Variants in KIF17 observed in about 807,000 individuals in gnomAD.
The protein encoded by KIF17 is kinesin-like protein KIF17.
KIF17 carries 80 observed loss-of-function variants against 96.8 expected under a neutral mutation model. The ratio of observed to expected loss-of-function variants is 0.83; its 90% CI spans 0.69 to 1.00. The LOEUF is 1.00. KIF17 is among the 50% of genes least tolerant of loss of function. The pLI is 0.00. For missense variants in KIF17, 1,280 were observed against 1,372.9 expected, an observed-to-expected ratio of 0.93 and a Z score of 1.07; for synonymous variants, 567 against 587.5, an observed-to-expected ratio of 0.97 and a Z score of 0.51.
chr1:20,684,824 T>C lies in KIF17; in HGVS notation c.2216A>G (p.Gln739Arg). 1.3e-6 allele frequency: 2 copies of C among 1,583,784 alleles called. No homozygotes were observed. Among genetic ancestry groups the C allele is most frequent in the East Asian group, 2.3e-5 (1 of 42,870 alleles). Residue 739 changes from glutamine to arginine, a missense_variant, in exon 10 of 15, where the codon CAG becomes CGG. Coordinates refer to ENST00000400463, the MANE Select transcript of KIF17 (RefSeq NM_001122819.3). ...TDDPLPVVDQQQVLARLQLLE... is the reference protein window; with the variant it reads ...TDDPLPVVDQRQVLARLQLLE... ...TGCTGCTTACCGGGCCAGCACCTGC[T>C]GCTGGTCCACAACGGGCAGCGGGTC...
rs1292266786 is a variant in KIF17 at position 20,666,337 on chromosome 1, G to C, written c.2791-6C>G. ...AGCCTGTAGCGGTCGTCCTCCTGCC[G>C]AGATGCAGATGCCCGTGGTCACGTC... is the stretch of plus-strand genomic sequence containing the variant. On this transcript the variant is annotated splice_region_variant and splice_polypyrimidine_tract_variant and intron_variant, in intron 13 of 14. Coordinates refer to ENST00000400463, the MANE Select transcript of KIF17 (RefSeq NM_001122819.3). 1.2e-6 allele frequency: 2 copies of C among 1,604,736 alleles called. No individual in the cohort carries two copies. Among genetic ancestry groups the C allele is most frequent in the Non-Finnish European group, 1.7e-6 (2 of 1,171,358 alleles).
chr1:20,715,121 G>T (rs989397875), intron 2 of KIF17, among the ~76,000 whole-genome samples: 2 of 152,194 alleles, frequency 1.3e-5, no homozygotes, highest in African/African-American at 4.8e-5. Flanking sequence ...TACCTCCTGG[G>T]TCAGGCTGGA....
At chr1:20,673,192 C>A (rs951323714) in intron 11 of KIF17, among the ~76,000 whole-genome samples, 1 of 151,632 alleles carries the variant, frequency 6.6e-6, no homozygotes, top group Non-Finnish European at 1.5e-5. Context: ...CCAGCCTGGG[C>A]GACAGAGTGA....
chr1:20,691,658 G>A (rs1353551254), intron 6 of KIF17, among the ~76,000 whole-genome samples: 8 of 144,934 alleles, frequency 5.5e-5, no homozygotes, highest in African/African-American at 1.6e-4. Flanking sequence ...TAGTAGAGAC[G>A]GAGTTTCACC....
In KIF17 at chr1:20,703,541, T is replaced by G. The variant is rs181361357; in HGVS notation, c.1123+906A>C. On this transcript the variant is annotated intron_variant, in intron 5 of 14. Transcript: ENST00000400463. ...ATGGATGGATGGATAGATGTATAGG[T>G]GGGTGAGTGGGTGGATGGATGGATG... 7.7e-4 allele frequency among the ~76,000 whole-genome samples: 115 copies of G among 149,340 alleles called. 1 individual carries two copies. The highest frequency in any genetic ancestry group is 2.7e-3 in the African/African-American group (109 of 40,296).
rs147702971 is a variant in KIF17 at position 20,687,465 on chromosome 1, C to A, written c.1861G>T (p.Ala621Ser). 115 of 1,613,886 alleles carry A rather than the reference C, an allele frequency of 7.1e-5. No homozygotes were observed. Among genetic ancestry groups the A allele is most frequent in the Non-Finnish European group, 9.4e-5 (111 of 1,179,996 alleles). The change falls in exon 8 of 15, where the codon GCC (alanine) becomes TCC (serine). Residue 621 changes from alanine to serine, a missense_variant. Physicochemically the swap from Ala to Ser is moderately conservative, Grantham distance 99. Transcript: ENST00000400463. The surrounding 1 kb of genome is among the most constrained non-coding windows in gnomAD (Gnocchi z 4.4). ...GTGGAGGAGAGTCTGGCCAGCTTGG[C>A]TTCCACCTCGGCAAACGGGTCCTGC... Reference protein sequence around the residue: ...GLQDPFAEVEAKLARLSSTVA... With the variant: ...GLQDPFAEVESKLARLSSTVA...
rs61673996 is a variant in KIF17 at position 20,669,864 on chromosome 1, C to CA, written c.2790+556dup. ...CTGGTGACAGAGCGAGACTCCATCT[C>CA]AAAAAAAAAAAAAAAAAAAAAAAAA... On this transcript the variant is annotated intron_variant, in intron 13 of 14. Coordinates refer to ENST00000400463, the MANE Select transcript of KIF17 (RefSeq NM_001122819.3). 2.7e-3 allele frequency among the ~76,000 whole-genome samples: 49 copies of CA among 18,426 alleles called. 20 individuals are homozygous for CA. Among genetic ancestry groups the CA allele is most frequent in the Non-Finnish European group, 3.8e-3 (37 of 9,832 alleles). 12.1% of individuals were successfully genotyped at this position (18,426 alleles called of 152,430 possible).
rs149799046 is a variant in KIF17, at chr1:20,672,618, A to G, written c.2464-422T>C. Among the ~76,000 whole-genome samples the G allele has an allele frequency of 0.015, 2,261 of 152,304 alleles. 54 individuals carry two copies. The highest frequency in any genetic ancestry group is 0.05 in the African/African-American group (2,074 of 41,556). ...AGGATATCAGAGAATTGCACAAGTG[A>G]CATCTCTAAGGAGGACAACAGGCAC... On this transcript the variant is annotated intron_variant, in intron 11 of 14. Transcript: ENST00000400463. The surrounding 1 kb of genome is among the most constrained non-coding windows in gnomAD (Gnocchi z 4.3).
At chr1:20,676,602 G>C (rs2053741238) in intron 11 of KIF17, among the ~76,000 whole-genome samples, 1 of 150,526 alleles carries the variant, frequency 6.6e-6, no homozygotes, top group African/African-American at 2.4e-5. Flanking sequence ...AGGCCAAGGT[G>C]GGGCGGATCA....
At chr1:20,712,850 AATATTATC>A (rs1557607035) in intron 3 of KIF17, among the ~76,000 whole-genome samples, 29 of 13,628 alleles carry the variant, frequency 2.1e-3, no homozygotes, top group African/African-American at 5.7e-3. Flanking sequence ...AGATATAGAT[AATATTATC>A]TATATTATAG....
At chr1:20,686,627 C>T (rs2053943815) in intron 8 of KIF17, among the ~76,000 whole-genome samples, 1 of 152,162 alleles carries the variant, frequency 6.6e-6, no homozygotes, top group African/African-American at 2.4e-5. Context: ...GCGATCTTGG[C>T]TCACTGCAAC....
intron 12 of KIF17, 88 bp from the exon 13 acceptor site, chr1:20,670,576 C>T: frequency 1.5e-6 from 2 of 1,294,624 alleles, no homozygotes. Context: ...TCAGGCCTGG[C>T]TCAGGCTTAA....
rs1375300002 is a variant in KIF17 at position 20,668,625 on chromosome 1, G to A, written c.2790+1796C>T. On this transcript the variant is annotated intron_variant, in intron 13 of 14. Transcript: ENST00000400463. ...AGAGATGTTTGGTTGGAATTCATTA[G>A]CCTAGGAGTGGTCTTATCATAACTG... Among the ~76,000 whole-genome samples, 3 of 152,278 alleles carry A rather than the reference G, an allele frequency of 2.0e-5. No homozygotes were observed. In the South Asian group the frequency reaches 6.2e-4, roughly 32 times the overall value.
chr1:20,696,660 C>G (rs1027070795), intron 6 of KIF17, among the ~76,000 whole-genome samples: 2 of 152,102 alleles, frequency 1.3e-5, no homozygotes, highest in African/African-American at 4.8e-5. Flanking sequence ...CCGGGCTTCC[C>G]GGGAAGGAAG....
intron 11 of KIF17, among the ~76,000 whole-genome samples, chr1:20,673,377 TTTTG>T (rs35008753): frequency 0.5 from 75,307 of 150,420 alleles, 19,431 homozygotes; most frequent in Non-Finnish European, 0.57. Flanking sequence ...GTTCCATTTC[TTTTG>T]TTTGTTTGTT....
intron 11 of KIF17, among the ~76,000 whole-genome samples, chr1:20,677,691 T>C (rs1263117962): frequency 1.3e-5 from 2 of 151,778 alleles, no homozygotes; most frequent in Non-Finnish European, 2.9e-5. Context: ...TCATCTCTAC[T>C]AAAAAATACA....
At chr1:20,673,885 A>G in intron 11 of KIF17, among the ~76,000 whole-genome samples, 1 of 151,736 alleles carries the variant, frequency 6.6e-6, no homozygotes, top group African/African-American at 2.4e-5. Flanking sequence ...TATAATAATC[A>G]TTATATGTTT....
chr1:20,688,099 T>G (rs889039964), intron 7 of KIF17, among the ~76,000 whole-genome samples, 155 bp from the exon 8 acceptor site: 2 of 151,254 alleles, frequency 1.3e-5, no homozygotes, highest in Non-Finnish European at 2.9e-5. Context: ...CGGGCTGGAG[T>G]GCAGTGGTGC....
Position 20,717,811 on chromosome 1 carries a change from G to A in KIF17, c.-105C>T. 7.9e-7 allele frequency: 1 copy of A among 1,260,004 alleles called. No homozygotes were observed. Among genetic ancestry groups the A allele is most frequent in the South Asian group, 2.2e-5 (1 of 46,084 alleles). The allele number at this position is 1,260,004 out of a possible 1,614,324, so 78.1% of individuals were successfully genotyped here. Reference sequence around the variant, plus strand: ...GGGCCAGCGCCGGCCACGGGGGGCGGGGCCTTGAGGCAGGGGCGGGGCCGC... The same window carrying A: ...GGGCCAGCGCCGGCCACGGGGGGCGAGGCCTTGAGGCAGGGGCGGGGCCGC... On this transcript the variant is annotated 5_prime_UTR_variant, in exon 1 of 15. Coordinates refer to ENST00000400463, the MANE Select transcript of KIF17 (RefSeq NM_001122819.3).
Sources: allele counts gnomAD v4.1 joint callset (sites outside exome capture counted in the v4.1 genomes callset), GRCh38; gene constraint gnomAD v4.1.1; non-coding constraint Gnocchi (gnomAD v3.1); transcripts MANE v1.5; gene names NCBI Gene and HGNC (gene_info 2026-07-23, HGNC 2026-07-21).